The following CCSER1 variants were observed in gnomAD, a reference collection of about 807,000 sequenced individuals.
CCSER1 encodes the protein coiled-coil serine rich protein 1, also known as serine-rich coiled-coil domain-containing protein 1.
Under a neutral mutation model 82.0 loss-of-function variants are expected in CCSER1, and 41 were observed. The observed-to-expected ratio is 0.50, with a 90% CI of 0.39 to 0.65. The LOEUF is 0.65. CCSER1 is among the 30% of genes least tolerant of loss of function. The pLI, the probability that CCSER1 is intolerant of heterozygous loss-of-function variation, is 0.00. For synonymous variants in CCSER1, 414 were observed against 383.9 expected, an observed-to-expected ratio of 1.08 and a Z score of -0.92; for missense variants, 1,119 against 1,064.2, an observed-to-expected ratio of 1.05 and a Z score of -0.72.
At chr4:91,379,539 T>TGA (rs1750707035) in intron 10 of CCSER1, among the ~76,000 whole-genome samples, 1 of 152,222 alleles carries the variant, frequency 6.6e-6, no homozygotes, top group African/African-American at 2.4e-5. Context: ...TTTATTTGCA[T>TGA]AGAGGTGTTT....
In CCSER1 at chr4:91,490,873, CATATATATATATATATATATATATATAT is replaced by C. The variant is rs778476142; in HGVS notation, c.2218-107671_2218-107644del. Among the ~76,000 whole-genome samples, 37 of 16,416 alleles carry C rather than the reference CATATATATATATATATATATATATATAT, an allele frequency of 2.3e-3. 3 individuals carry two copies. Among genetic ancestry groups the C allele is most frequent in the East Asian group, 0.016 (6 of 364 alleles). The allele number at this position is 16,416 out of a possible 152,430, so 10.8% of individuals were successfully genotyped here. A position where few individuals can be genotyped will look rare whatever the true frequency, so the allele number is the denominator to read the frequency against. ...CTGTATCAAAATATCTCAGGCACTCCATATATATATATATATATATATATATATATATATATATATATATATATATATA... is the reference window on the plus strand; with the variant it reads ...CTGTATCAAAATATCTCAGGCACTCCATATATATATATATATATATATATA... On this transcript the variant is annotated intron_variant, in intron 10 of 10. Transcript: ENST00000509176.
rs951531547 is a variant in CCSER1, at chr4:90,392,400, A to G, written c.1510-7636A>G. On this transcript the variant is annotated intron_variant, in intron 3 of 10. Transcript: ENST00000509176. ...TTTCTAAACAGCAAAGTATTATAGC[A>G]TAACTTTTAAGTTTTAGTATTTTAG... 2.1e-4 allele frequency among the ~76,000 whole-genome samples: 32 copies of G among 152,098 alleles called. 1 individual carries two copies.
At chr4:90,417,885 C>T (rs1756056709) in intron 4 of CCSER1, among the ~76,000 whole-genome samples, 1 of 152,112 alleles carries the variant, frequency 6.6e-6, no homozygotes, top group South Asian at 2.1e-4. Flanking sequence ...AACATTCACA[C>T]AGGGAAAATT....
At chr4:91,341,908 T>C (rs1476519206) in intron 10 of CCSER1, among the ~76,000 whole-genome samples, 1 of 152,218 alleles carries the variant, frequency 6.6e-6, no homozygotes, top group Non-Finnish European at 1.5e-5. Context: ...CCAGGACTTT[T>C]GGCATTATGT....
chr4:91,468,761 C>T (rs985983590), intron 10 of CCSER1, among the ~76,000 whole-genome samples: 3 of 151,750 alleles, frequency 2.0e-5, no homozygotes. Context: ...AAGAATTAAT[C>T]AGTTTACTTG....
intron 5 of CCSER1, among the ~76,000 whole-genome samples, chr4:90,483,497 G>T (rs891061760): frequency 5.3e-5 from 8 of 152,142 alleles, no homozygotes; most frequent in Admixed American, 6.5e-5. Context: ...GCATGTTTTT[G>T]CAGTGGCTGG....
chr4:90,493,595 T>C (rs749968444), intron 5 of CCSER1, among the ~76,000 whole-genome samples: 46 of 152,032 alleles, frequency 3.0e-4, no homozygotes, highest in Non-Finnish European at 6.2e-4. Context: ...CAGAAGAGAG[T>C]GGGATCCAAT....
chr4:91,526,057 T>C (rs1760747778), intron 10 of CCSER1, among the ~76,000 whole-genome samples: 1 of 152,168 alleles, frequency 6.6e-6, no homozygotes, highest in Non-Finnish European at 1.5e-5. Context: ...AAATCCACAT[T>C]CTGTAGAGAA....
At chr4:91,526,667 C>T (rs557603806) in intron 10 of CCSER1, among the ~76,000 whole-genome samples, 3 of 152,180 alleles carry the variant, frequency 2.0e-5, no homozygotes, top group African/African-American at 4.8e-5. Context: ...TGCAATGATG[C>T]GATCTTGGCT....
At chr4:90,521,546 A>G (rs1377084039) in intron 5 of CCSER1, among the ~76,000 whole-genome samples, 1 of 152,160 alleles carries the variant, frequency 6.6e-6, no homozygotes, top group Non-Finnish European at 1.5e-5. Context: ...TGGAGAGCGC[A>G]ATGTATGAAT....
chr4:90,254,974 TATC>T (rs1165046146), intron 1 of CCSER1, among the ~76,000 whole-genome samples: 2 of 139,260 alleles, frequency 1.4e-5, no homozygotes, highest in Non-Finnish European at 3.0e-5. Flanking sequence ...TCAACATATA[TATC>T]AACACACACA....
At chr4:90,880,739 T>C (rs574771952) in intron 8 of CCSER1, among the ~76,000 whole-genome samples, 26 of 152,232 alleles carry the variant, frequency 1.7e-4, no homozygotes, top group African/African-American at 5.8e-4. Context: ...GCTGCTGAGG[T>C]ATGCTGGGGG....
At chr4:90,135,529 T>A (rs558025929) in intron 1 of CCSER1, among the ~76,000 whole-genome samples, 1 of 152,372 alleles carries the variant, frequency 6.6e-6, no homozygotes, top group Admixed American at 6.5e-5. Context: ...TTCATTTCAA[T>A]ACTCACTCTT....
chr4:90,180,967 C>T (rs1047627325), intron 1 of CCSER1, among the ~76,000 whole-genome samples: 1 of 152,144 alleles, frequency 6.6e-6, no homozygotes, highest in Non-Finnish European at 1.5e-5. Flanking sequence ...TAGACTCTTT[C>T]TGTCTCAATT....
chr4:90,683,545 G>T (rs11942583), intron 6 of CCSER1, among the ~76,000 whole-genome samples: 69,748 of 151,762 alleles, frequency 0.46, 16,415 homozygotes, highest in Middle Eastern at 0.58. Flanking sequence ...ATTATGAAAA[G>T]AACTTGCAAA....
chr4:90,226,383 A>G (rs1039258708), intron 1 of CCSER1, among the ~76,000 whole-genome samples: 1 of 152,224 alleles, frequency 6.6e-6, no homozygotes, highest in South Asian at 2.1e-4. Context: ...GTTAGTTTCT[A>G]TCATACCTAT....
intron 9 of CCSER1, among the ~76,000 whole-genome samples, chr4:91,028,194 A>C (rs928163580): frequency 3.3e-5 from 5 of 152,038 alleles, no homozygotes; most frequent in African/African-American, 1.2e-4. Context: ...ATTTATGTTA[A>C]GATATACAAT....
chr4:90,337,905 C>G (rs753021284), intron 3 of CCSER1, among the ~76,000 whole-genome samples: 18 of 152,226 alleles, frequency 1.2e-4, no homozygotes, highest in South Asian at 8.3e-4. Flanking sequence ...GGGATTTTCT[C>G]TTTCTTCATT....
At chr4:91,355,438 T>C (rs13109570) in intron 10 of CCSER1, among the ~76,000 whole-genome samples, 1 of 152,070 alleles carries the variant, frequency 6.6e-6, no homozygotes, top group Non-Finnish European at 1.5e-5. Context: ...ACACATCAGG[T>C]TGGTTATTTC....
Sources: gnomAD v4.1 joint callset for allele counts (sites outside exome capture counted in the v4.1 genomes callset) on GRCh38, gnomAD v4.1.1 for gene constraint, MANE v1.5 for transcripts, NCBI Gene and HGNC (gene_info 2026-07-23, HGNC 2026-07-21) for gene names.